Variants in ZNF335 observed in about 807,000 individuals in gnomAD.
ZNF335 encodes NRC-interacting factor 1.
A neutral mutation model predicts 145.6 loss-of-function variants in ZNF335; 84 were observed. The ratio of observed to expected loss-of-function variants is 0.58; its 90% CI spans 0.48 to 0.69. The LOEUF is 0.69. ZNF335 is among the 30% of genes least tolerant of loss of function. The pLI, the probability that ZNF335 is intolerant of heterozygous loss-of-function variation, is 0.00. For synonymous variants in ZNF335, 761 were observed against 717.0 expected, an observed-to-expected ratio of 1.06 and a Z score of -0.98; for missense variants, 1,865 against 1,809.7, an observed-to-expected ratio of 1.03 and a Z score of -0.55.
At chr20:45,957,060 T>C (rs192242872) in intron 17 of ZNF335, among the ~76,000 whole-genome samples, 1 of 152,114 alleles carries the variant, frequency 6.6e-6, no homozygotes, top group East Asian at 1.9e-4. Context: ...CCCTCTGCCT[T>C]GGAGACCAGG....
Position 45,971,465 on chromosome 20 carries a change from G to A in ZNF335, c.-50-5C>T, listed in dbSNP as rs1462565465. The A allele has an allele frequency of 1.3e-6, 2 of 1,584,064 alleles. No homozygotes were observed. The highest frequency in any genetic ancestry group is 2.3e-5 in the East Asian group (1 of 44,068). On this transcript the variant is annotated splice_polypyrimidine_tract_variant and splice_region_variant and intron_variant, in intron 1 of 27. Coordinates refer to ENST00000322927, the MANE Select transcript of ZNF335 (RefSeq NM_022095.4). ...GTAGGGTCTGGGAACTTCACTCTGAGAAGAGAGGTGACCGTGGCTGGAACA... is the reference window on the plus strand; with the variant it reads ...GTAGGGTCTGGGAACTTCACTCTGAAAAGAGAGGTGACCGTGGCTGGAACA...
Position 45,950,306 on chromosome 20 carries a change from C to T in ZNF335, c.3400G>A (p.Gly1134Arg), listed in dbSNP as rs1372987117. The change falls in exon 22 of 28, where the codon GGA (glycine) becomes AGA (arginine). Residue 1134 changes from glycine to arginine, a missense_variant. Coordinates refer to ENST00000322927, the MANE Select transcript of ZNF335 (RefSeq NM_022095.4). The stretch of plus-strand genomic sequence containing the variant: ...GTAGGGGCCCGGGCTGTAGGGGTTC[C>T]TGACTTCCTCCCATCAGGACTGTGC... ...RLHSPDGRKSGTPTARAPTQT... is the reference protein window; with the variant it reads ...RLHSPDGRKSRTPTARAPTQT... 5 of 1,566,162 alleles carry T rather than the reference C, an allele frequency of 3.2e-6. No individual in the cohort carries two copies. In the East Asian group the frequency reaches 1.1e-4, roughly 35 times the overall value.
chr20:45,961,532 A>G (rs1355787291), intron 10 of ZNF335: 1 of 140,938 alleles, frequency 7.1e-6, no homozygotes, highest in Non-Finnish European at 1.5e-5. Flanking sequence ...ACCTTAAAGT[A>G]TCTTGGGCTG....
At chr20:45,967,135 C>T (rs1243951679) in intron 6 of ZNF335, 2 of 244,574 alleles carry the variant, frequency 8.2e-6, no homozygotes, top group East Asian at 8.8e-5. Context: ...CCTAGCTACT[C>T]GGGAGGCTGA....
intron 18 of ZNF335, 82 bp downstream of exon 18, chr20:45,953,607 T>A (rs969711361): frequency 6.4e-7 from 1 of 1,565,202 alleles, no homozygotes; most frequent in African/African-American, 1.4e-5. Flanking sequence ...TCCTGCCAAC[T>A]AGGCTTGGGT....
chr20:45,968,201 C>G lies in ZNF335; in HGVS notation c.520+84G>C, dbSNP rs1377505781. On this transcript the variant is annotated intron_variant, in intron 4 of 27. Coordinates refer to ENST00000322927, the MANE Select transcript of ZNF335 (RefSeq NM_022095.4). ...AGCAGTGGATACCCAGCCAGGGCCA[C>G]AGACGGAATCCGCGGCAGAACCTGT... 1.8e-5 allele frequency: 27 copies of G among 1,536,080 alleles called. No individual in the cohort carries two copies. In the East Asian group the frequency reaches 5.9e-4, roughly 34 times the overall value.
chr20:45,953,466 G>C (rs891036294), intron 18 of ZNF335, among the ~76,000 whole-genome samples: 4 of 152,170 alleles, frequency 2.6e-5, no homozygotes, highest in Non-Finnish European at 5.9e-5. Context: ...GGGTCTCATG[G>C]GAATGGCTTA....
chr20:45,963,941 T>C lies in ZNF335; in HGVS notation c.1152A>G (p.Pro384=). Residue 384 remains proline, a synonymous_variant, in exon 8 of 28, where the codon CCA becomes CCG. Coordinates refer to ENST00000322927, the MANE Select transcript of ZNF335 (RefSeq NM_022095.4). The part of the protein sequence containing the change: ...LVSSQSGQSP[P]EPQDPEAPSS... ...TGGGAGCCTCGGGATCCTGTGGCTC[T>C]GGAGGGCTCTGTCCACTCTGGGAAC... 6.4e-7 allele frequency: 1 copy of C among 1,553,888 alleles called. No individual in the cohort carries two copies. Among genetic ancestry groups the C allele is most frequent in the Non-Finnish European group, 8.7e-7 (1 of 1,150,532 alleles).
chr20:45,956,090 GGT>G (rs1486783076), intron 17 of ZNF335, among the ~76,000 whole-genome samples: 1 of 152,102 alleles, frequency 6.6e-6, no homozygotes, highest in Non-Finnish European at 1.5e-5. Flanking sequence ...AAGGAACAAA[GGT>G]CTAGGTGTTG....
At chr20:45,954,250 C>T (rs2083685852) in intron 17 of ZNF335, among the ~76,000 whole-genome samples, 1 of 152,092 alleles carries the variant, frequency 6.6e-6, no homozygotes, top group African/African-American at 2.4e-5. Context: ...GGCATATAGT[C>T]GGGAGAGGCC....
Position 45,960,614 on chromosome 20 carries a change from A to C in ZNF335, c.1782+2T>G. On this transcript the variant is annotated splice_donor_variant, in intron 12 of 27. Coordinates refer to ENST00000322927, the MANE Select transcript of ZNF335 (RefSeq NM_022095.4). LOFTEE classifies it high-confidence loss of function. ...TCAGCCCCAGCCCTGGCTCCCACCC[A>C]CCTTGTCACACATGTGGGGCTTCTC... 6.2e-7 allele frequency: 1 copy of C among 1,613,918 alleles called. No individual in the cohort carries two copies. Among genetic ancestry groups the C allele is most frequent in the Non-Finnish European group, 8.5e-7 (1 of 1,179,942 alleles).
Position 45,971,246 on chromosome 20 carries a change from G to T in ZNF335, c.165C>A (p.Gly55=). The T allele has an allele frequency of 6.4e-7, 1 of 1,554,418 alleles. No homozygotes were observed. Among genetic ancestry groups the T allele is most frequent in the East Asian group, 2.4e-5 (1 of 41,800 alleles). ...APGQAEADDS[G]VGQSSDRGSR... ...TGCCGCGGTCCGAGCTTTGCCCCAC[G>T]CCAGAGTCATCGGCCTCTGCCTGCC... Residue 55 remains glycine (G), a synonymous_variant, in exon 2 of 28, where the codon GGC becomes GGA. Transcript: ENST00000322927.
chr20:45,969,645 C>G lies in ZNF335; in HGVS notation c.248G>C (p.Ser83Thr). The change falls in exon 3 of 28, where the codon AGC becomes ACC. Residue 83 changes from serine to threonine, a missense_variant. Coordinates refer to ENST00000322927, the MANE Select transcript of ZNF335 (RefSeq NM_022095.4). ...SSSSADPLPN[S>T]YLPDSSSVSH... The stretch of plus-strand genomic sequence containing the variant: ...CACAGACGATGAATCAGGGAGGTAG[C>G]TATTAGGCAGGGGGTCTGCGCTCGA... 1.9e-6 allele frequency: 3 copies of G among 1,611,998 alleles called. No individual in the cohort carries two copies. Among genetic ancestry groups the G allele is most frequent in the Non-Finnish European group, 2.5e-6 (3 of 1,178,952 alleles).
chr20:45,949,130 C>T (rs780212214), intron 27 of ZNF335, 40 bp downstream of exon 27: 1 of 1,613,392 alleles, frequency 6.2e-7, no homozygotes, highest in Admixed American at 1.7e-5. Flanking sequence ...AGAGCTGGGT[C>T]CATACCCAGC....
rs2083789539 is a variant in ZNF335 at position 45,959,356 on chromosome 20, G to A, written c.2098C>T (p.Arg700Ter). ...KKNLRLHVRC[R>*]HASSFEEWGR... ...CATTCCTCGAAGCTGCTTGCGTGTC[G>A]GCACCGTACGTGCAGGCGCAGGTTC... The change falls in exon 15 of 28, where the codon CGA (arginine) becomes TGA (stop). Residue 700 changes from arginine to a stop codon, truncating the protein, a stop_gained. Coordinates refer to ENST00000322927, the MANE Select transcript of ZNF335 (RefSeq NM_022095.4). LOFTEE classifies it high-confidence loss of function. The A allele has an allele frequency of 1.3e-6, 2 of 1,583,672 alleles. No homozygotes were observed. Among genetic ancestry groups the A allele is most frequent in the East Asian group, 2.4e-5 (1 of 42,512 alleles).
chr20:45,950,556 A>G lies in ZNF335; in HGVS notation c.3229T>C (p.Cys1077Arg), dbSNP rs752900177. Residue 1077 changes from cysteine (C) to arginine (R), a missense_variant, in exon 21 of 28, where the codon TGT becomes CGT. Coordinates refer to ENST00000322927, the MANE Select transcript of ZNF335 (RefSeq NM_022095.4). ...AQHSSLRPHQ[C>R]SQCSFASKNK... ...TTGGAGGCAAAGCTGCACTGGCTAC[A>G]CTGGTGGGGCCGTAGGCTTGAGTGC... is the stretch of plus-strand genomic sequence containing the variant. The G allele has an allele frequency of 2.5e-6, 4 of 1,613,984 alleles. No individual in the cohort carries two copies. The highest frequency in any genetic ancestry group is 1.7e-5 in the Admixed American group (1 of 60,002).
intron 14 of ZNF335, among the ~76,000 whole-genome samples, chr20:45,959,717 C>T (rs1280766821): frequency 6.6e-6 from 1 of 152,302 alleles, no homozygotes; most frequent in South Asian, 2.1e-4. Context: ...GAACCCCTGG[C>T]TCCTTTTCTG....
At chr20:45,956,227 C>A (rs2083725767) in intron 17 of ZNF335, among the ~76,000 whole-genome samples, 1 of 151,284 alleles carries the variant, frequency 6.6e-6, no homozygotes, top group Non-Finnish European at 1.5e-5. Flanking sequence ...TCATTTTTTT[C>A]TTTTTTTCTT....
Position 45,954,062 on chromosome 20 carries a change from G to C in ZNF335, c.2443-114C>G, listed in dbSNP as rs1406472519. 5 of 1,283,650 alleles carry C rather than the reference G, an allele frequency of 3.9e-6. No homozygotes were observed. The East Asian group carries it at 1.0e-4, about 26-fold the overall frequency. 79.5% of individuals were successfully genotyped at this position (1,283,650 alleles called of 1,614,324 possible). A position where few individuals can be genotyped will look rare whatever the true frequency, so the allele number is the denominator to read the frequency against. On this transcript the variant is annotated intron_variant, in intron 17 of 27. Transcript: ENST00000322927. ...GCACCCACACACTCTAGTCAGACCA[G>C]TGCTGCCACCACTCATTTGAATAGC...
Sources: gnomAD v4.1 joint callset for allele counts (sites outside exome capture counted in the v4.1 genomes callset) on GRCh38, gnomAD v4.1.1 for gene constraint, MANE v1.5 for transcripts, NCBI Gene and HGNC (gene_info 2026-07-23, HGNC 2026-07-21) for gene names.